RANBP17: variants seen among roughly 807,000 people sequenced by gnomAD.
The protein encoded by RANBP17 is RAN binding protein 17.
Under a neutral mutation model 141.2 loss-of-function variants are expected in RANBP17, and 158 were observed. That is an observed-to-expected ratio of 1.12 (90% confidence interval 0.98 to 1.28). The LOEUF is 1.28. Among genes scored for constraint, RANBP17 ranks in the 50% most tolerant of loss-of-function variants. The pLI is 0.00. For missense variants in RANBP17, 1,438 were observed against 1,290.7 expected, an observed-to-expected ratio of 1.11 and a Z score of -1.75; for synonymous variants, 430 against 450.0, an observed-to-expected ratio of 0.96 and a Z score of 0.56.
intron 12 of RANBP17, among the ~76,000 whole-genome samples, chr5:170,928,147 G>A (rs1176285393): frequency 6.6e-6 from 1 of 151,912 alleles, no homozygotes; most frequent in African/African-American, 2.4e-5. Flanking sequence ...TTTGCCACTT[G>A]TATTTCTTAT....
chr5:171,126,994 C>T (rs1331862194), intron 14 of RANBP17, among the ~76,000 whole-genome samples: 1 of 152,124 alleles, frequency 6.6e-6, no homozygotes, highest in Non-Finnish European at 1.5e-5. Flanking sequence ...GTCGGCAATA[C>T]CTTGATACCA....
chr5:171,251,405 A>G (rs1023898582), intron 24 of RANBP17, among the ~76,000 whole-genome samples: 1 of 152,134 alleles, frequency 6.6e-6, no homozygotes, highest in African/African-American at 2.4e-5. Flanking sequence ...AATTGAAATC[A>G]TATCAGGTAT....
chr5:170,873,331 A>G (rs558977821), intron 1 of RANBP17, among the ~76,000 whole-genome samples: 2 of 152,176 alleles, frequency 1.3e-5, no homozygotes, highest in Non-Finnish European at 2.9e-5. Context: ...GTCTTTGCCA[A>G]CTTTTGGTAT....
intron 1 of RANBP17, among the ~76,000 whole-genome samples, chr5:170,869,553 C>T (rs1460752516): frequency 3.9e-5 from 6 of 152,196 alleles, no homozygotes; most frequent in Non-Finnish European, 8.8e-5. Context: ...TCATGCCTTT[C>T]GCCCAGCTGC....
Position 171,088,126 on chromosome 5 carries a change from T to C in RANBP17, c.1711-82004T>C, listed in dbSNP as rs1382185957. ...ACCGGTTGTTCCTTTCCATGTTTAGTGCTTCCTTCAGGAGCTCTTTTAGGG... is the reference window on the plus strand; with the variant it reads ...ACCGGTTGTTCCTTTCCATGTTTAGCGCTTCCTTCAGGAGCTCTTTTAGGG... On this transcript the variant is annotated intron_variant, in intron 14 of 27. Coordinates refer to ENST00000523189, the MANE Select transcript of RANBP17 (RefSeq NM_022897.5). Among the ~76,000 whole-genome samples the C allele has an allele frequency of 2.4e-4, 36 of 152,126 alleles. No individual in the cohort carries two copies. In the East Asian group the frequency reaches 5.0e-3, roughly 21 times the overall value.
At chr5:171,179,640 G>A (rs1350748021) in intron 16 of RANBP17, among the ~76,000 whole-genome samples, 1 of 152,034 alleles carries the variant, frequency 6.6e-6, no homozygotes, top group East Asian at 1.9e-4. Flanking sequence ...CATGTATCTA[G>A]TACACTAATA....
At chr5:171,083,491 C>G (rs1374696868) in intron 14 of RANBP17, among the ~76,000 whole-genome samples, 4 of 152,186 alleles carry the variant, frequency 2.6e-5, no homozygotes, top group African/African-American at 9.7e-5. Flanking sequence ...CTATGGTATT[C>G]TGTTACAGCA....
chr5:171,158,752 T>C (rs1360461038), intron 14 of RANBP17, among the ~76,000 whole-genome samples: 4 of 152,190 alleles, frequency 2.6e-5, no homozygotes, highest in Non-Finnish European at 5.9e-5. Context: ...TCATGCTTGT[T>C]GGTGCCAGTT....
chr5:171,002,023 G>T (rs1322022794), intron 14 of RANBP17, among the ~76,000 whole-genome samples: 1 of 151,980 alleles, frequency 6.6e-6, no homozygotes, highest in East Asian at 1.9e-4. Flanking sequence ...AGGGAAGGGA[G>T]GGGGCCTGAA....
intron 1 of RANBP17, among the ~76,000 whole-genome samples, chr5:170,864,531 C>T (rs770473001): frequency 2.6e-5 from 4 of 152,254 alleles, no homozygotes; most frequent in East Asian, 1.9e-4. Flanking sequence ...CTGTGAATTA[C>T]GATACCCTGT....
At chr5:171,074,293 A>T (rs1045264572) in intron 14 of RANBP17, among the ~76,000 whole-genome samples, 4 of 152,078 alleles carry the variant, frequency 2.6e-5, no homozygotes, top group African/African-American at 9.7e-5. Context: ...CCTGATTACT[A>T]CTCTTCACAA....
Position 170,909,678 on chromosome 5 carries a change from T to C in RANBP17, c.507T>C (p.Pro169=), listed in dbSNP as rs1416303581. The change falls in exon 6 of 28, where the codon CCT becomes CCC. Residue 169 remains proline (P), a synonymous_variant. Transcript: ENST00000523189. ...QEMNLVDYSR[P]SAKHRKIATS... ...CTTTTTAGGTTGATTATTCTAGACC[T>C]TCAGCAAAACACAGGAAAATAGCTA... is the stretch of plus-strand genomic sequence containing the variant. 2 of 1,581,510 alleles carry C rather than the reference T, an allele frequency of 1.3e-6. No homozygotes were observed. Among genetic ancestry groups the C allele is most frequent in the Admixed American group, 3.4e-5 (2 of 58,882 alleles).
intron 14 of RANBP17, among the ~76,000 whole-genome samples, chr5:170,969,623 T>C (rs975900412): frequency 4.0e-5 from 6 of 151,094 alleles, no homozygotes; most frequent in African/African-American, 1.5e-4. Context: ...ATCAAAACAG[T>C]ATAATATGGA....
Position 171,105,406 on chromosome 5 carries a change from AT to A in RANBP17, c.1711-64720del, listed in dbSNP as rs70982322. On this transcript the variant is annotated intron_variant, in intron 14 of 27. Coordinates refer to ENST00000523189, the MANE Select transcript of RANBP17 (RefSeq NM_022897.5). ...CAAAAAAAAAAAAAAAAAAAAAAAA[AT>A]TTTCCTGGGACTGGCATGGTGGCTC... Among the ~76,000 whole-genome samples, 63 of 145,918 alleles carry A rather than the reference AT, an allele frequency of 4.3e-4. 1 individual carries two copies. The highest frequency in any genetic ancestry group is 3.7e-3 in the South Asian group (17 of 4,558).
intron 12 of RANBP17, among the ~76,000 whole-genome samples, chr5:170,931,173 A>AT (rs1773343179): frequency 6.6e-6 from 1 of 152,098 alleles, no homozygotes; most frequent in African/African-American, 2.4e-5. Flanking sequence ...GATGATGAGC[A>AT]TTTTTTCATA....
chr5:171,184,857 T>C (rs1022806589), intron 18 of RANBP17, among the ~76,000 whole-genome samples: 1 of 152,200 alleles, frequency 6.6e-6, no homozygotes, highest in Non-Finnish European at 1.5e-5. Flanking sequence ...AATGTACATA[T>C]CTTAATTTAA....
At chr5:171,008,095 T>C (rs1463886415) in intron 14 of RANBP17, among the ~76,000 whole-genome samples, 1 of 152,176 alleles carries the variant, frequency 6.6e-6, no homozygotes, top group Non-Finnish European at 1.5e-5. Context: ...ATCCCTGCAA[T>C]GATTAAACAC....
chr5:170,951,768 A>G (rs1775232422), intron 12 of RANBP17, among the ~76,000 whole-genome samples: 1 of 152,088 alleles, frequency 6.6e-6, no homozygotes, highest in Admixed American at 6.6e-5. Flanking sequence ...TGATAGGCTC[A>G]TGGATTGAAG....
In RANBP17 at chr5:170,932,804, G is replaced by C. The variant is rs571074278; in HGVS notation, c.1468+8254G>C. ...AGCTTTTTGATGTGCTGCTGGATTT[G>C]GTTTGCCAGTATTTTATTGAGGATT... is the stretch of plus-strand genomic sequence containing the variant. On this transcript the variant is annotated intron_variant, in intron 12 of 27. Transcript: ENST00000523189. 1.8e-3 allele frequency among the ~76,000 whole-genome samples: 275 copies of C among 152,184 alleles called. 1 individual carries two copies. Among genetic ancestry groups the C allele is most frequent in the African/African-American group, 6.4e-3 (266 of 41,534 alleles).
Sources: allele counts gnomAD v4.1 joint callset (sites outside exome capture counted in the v4.1 genomes callset), GRCh38; gene constraint gnomAD v4.1.1; transcripts MANE v1.5; gene names NCBI Gene and HGNC (gene_info 2026-07-23, HGNC 2026-07-21).